ZNF665: variants seen among roughly 807,000 people sequenced by gnomAD.
ZNF665 encodes zinc finger protein 665.
Under a neutral mutation model 7.9 loss-of-function variants are expected in ZNF665, and 6 were observed. That is an observed-to-expected ratio of 0.76 (90% CI 0.42 to 1.50). ZNF665 has a LOEUF of 1.50. ZNF665 is among the 40% of genes most tolerant of loss of function. ZNF665 has a pLI of 0.01. For missense variants in ZNF665, 819 were observed against 806.7 expected, an observed-to-expected ratio of 1.02 and a Z score of -0.18; for synonymous variants, 242 against 274.5, an observed-to-expected ratio of 0.88 and a Z score of 1.17.
chr19:53,167,191 G>C (rs1275216567), intron 3 of ZNF665, among the ~76,000 whole-genome samples: 3 of 151,860 alleles, frequency 2.0e-5, no homozygotes, highest in South Asian at 2.1e-4. Flanking sequence ...AGTAGAGACA[G>C]GGTTTCTCCA....
Position 53,171,129 on chromosome 19 carries a change from T to C in ZNF665, c.142+4316A>G, listed in dbSNP as rs561653067. On this transcript the variant is annotated intron_variant, in intron 3 of 3. Transcript: ENST00000396424. ...CCTCCCAAGTAGCTGGGATTACAGG[T>C]GCCCACCATTAGGCCCAGCTAATTT... Among the ~76,000 whole-genome samples the C allele has an allele frequency of 2.2e-4, 34 of 152,008 alleles. 1 individual carries two copies. The East Asian group carries it at 4.8e-3, about 22-fold the overall frequency.
In ZNF665 at chr19:53,164,602, C is replaced by T; in HGVS notation, c.1888G>A (p.Glu630Lys). ...HTGEKPYRCN[E>K]CGKAFSVRST... ...CGAACACTGAAGGCTTTCCCACACT[C>T]ATTACACCTATAAGGTTTTTCTCCA... Residue 630 changes from glutamate (E) to lysine (K), a missense_variant, in exon 4 of 4, where the codon GAG becomes AAG. Coordinates refer to ENST00000396424, the MANE Select transcript of ZNF665 (RefSeq NM_024733.5). The T allele has an allele frequency of 6.2e-7, 1 of 1,614,164 alleles. No homozygotes were observed. The highest frequency in any genetic ancestry group is 8.5e-7 in the Non-Finnish European group (1 of 1,180,012).
In ZNF665 at chr19:53,165,513, GCTTTGCCACA is replaced by G; in HGVS notation, c.967_976del (p.Cys323ProfsTer8). Reference sequence around the variant, plus strand: ...AGTCAGGCTTGAGCGAACACTAAAGGCTTTGCCACACTCATTACACTTGTAAGGCTTCTCC... The same window carrying G: ...AGTCAGGCTTGAGCGAACACTAAAGGCTCATTACACTTGTAAGGCTTCTCC... On this transcript the variant is annotated frameshift_variant, in exon 4 of 4. Transcript: ENST00000396424. LOFTEE classifies it low-confidence loss of function (END_TRUNC). 6.2e-7 allele frequency: 1 copy of G among 1,613,860 alleles called. No homozygotes were observed.
chr19:53,166,268 C>G lies in ZNF665; in HGVS notation c.222G>C (p.Lys74Asn). 2.5e-6 allele frequency: 4 copies of G among 1,613,868 alleles called. No homozygotes were observed. Among genetic ancestry groups the G allele is most frequent in the South Asian group, 1.1e-5 (1 of 91,026 alleles). The change falls in exon 4 of 4, where the codon AAG (lysine) becomes AAC (asparagine). Residue 74 changes from lysine to asparagine, a missense_variant. Lys to Asn is a moderately conservative substitution (Grantham distance 94). Coordinates refer to ENST00000396424, the MANE Select transcript of ZNF665 (RefSeq NM_024733.5). ...TGTCACAGCTTTCAAGTCTCTCCAA[C>G]TTCACCGTGTAGAACGCTTCTCCCA... ...NNMGEAFYTV[K>N]LERLESCDTV...
chr19:53,166,989 A>G (rs1227263298), intron 3 of ZNF665, among the ~76,000 whole-genome samples: 1 of 120,958 alleles, frequency 8.3e-6, no homozygotes. Flanking sequence ...TATAACAGTT[A>G]TATTTCTTTC....
In ZNF665 at chr19:53,189,051, C is replaced by CTGTGTGTGTGTCTGTGTGTG. The variant is rs757222280; in HGVS notation, c.-46+4260_-46+4261insCACACACAGACACACACACA. ...AGATGAGAAAGAAAGGCTTTATTTT[C>CTGTGTGTGTGTCTGTGTGTG]TGTGTGTGTGTGTGTGTGTGTGTGT... On this transcript the variant is annotated intron_variant, in intron 1 of 3. Coordinates refer to ENST00000396424, the MANE Select transcript of ZNF665 (RefSeq NM_024733.5). Among the ~76,000 whole-genome samples the CTGTGTGTGTGTCTGTGTGTG allele has an allele frequency of 2.7e-3, 376 of 137,742 alleles. 2 individuals are homozygous for CTGTGTGTGTGTCTGTGTGTG. Among genetic ancestry groups the CTGTGTGTGTGTCTGTGTGTG allele is most frequent in the African/African-American group, 8.2e-3 (313 of 38,268 alleles). The allele number at this position is 137,742 out of a possible 152,430, so 90.4% of individuals were successfully genotyped here.
At chr19:53,176,929 G>A (rs1454943778) in intron 2 of ZNF665, among the ~76,000 whole-genome samples, 2 of 152,122 alleles carry the variant, frequency 1.3e-5, no homozygotes, top group East Asian at 1.9e-4. Context: ...AGACGAGCCT[G>A]GCCAACATGG....
intron 1 of ZNF665, among the ~76,000 whole-genome samples, chr19:53,185,086 C>G (rs2090767586): frequency 6.6e-6 from 1 of 152,050 alleles, no homozygotes; most frequent in Non-Finnish European, 1.5e-5. Flanking sequence ...CACAGCATCA[C>G]AGGGAGACGG....
chr19:53,169,227 A>C (rs2090639474), intron 3 of ZNF665, among the ~76,000 whole-genome samples: 1 of 152,154 alleles, frequency 6.6e-6, no homozygotes, highest in Non-Finnish European at 1.5e-5. Context: ...AGAAAACAAA[A>C]AGCCCAATTT....
At position 53,172,529 on chromosome 19, in the gene ZNF665, T is replaced by C. The variant is rs73583185; in HGVS notation, c.142+2916A>G. On this transcript the variant is annotated intron_variant, in intron 3 of 3. Transcript: ENST00000396424. ...CAAGTAGTGATGTTGGCTGTTTGTC[T>C]GCCTTCCTTCAAGAACTGTATATTG... Among the ~76,000 whole-genome samples the C allele has an allele frequency of 7.2e-3, 1,098 of 152,178 alleles. 14 individuals carry two copies. The highest frequency in any genetic ancestry group is 0.025 in the African/African-American group (1,042 of 41,558).
intron 1 of ZNF665, among the ~76,000 whole-genome samples, chr19:53,189,342 C>CGT (rs1568668766): frequency 2.0e-5 from 3 of 151,426 alleles, no homozygotes; most frequent in Non-Finnish European, 4.4e-5. Flanking sequence ...CACCAATGCA[C>CGT]GGAGACCGGT....
At position 53,165,080 on chromosome 19, in the gene ZNF665, A is replaced by G. The variant is rs1339900778; in HGVS notation, c.1410T>C (p.Asn470=). ...TTCCCCGATGACTTGCAAGGTGTGA[A>G]TTTTGTGTGAAGACCTTACCGCAGT... The part of the protein sequence containing the change: ...CNDCGKVFTQ[N]SHLASHRGIH... The change falls in exon 4 of 4, where the codon AAT becomes AAC. Residue 470 remains asparagine (N), a synonymous_variant. Coordinates refer to ENST00000396424, the MANE Select transcript of ZNF665 (RefSeq NM_024733.5). 36 of 1,613,946 alleles carry G rather than the reference A, an allele frequency of 2.2e-5. 1 individual carries two copies. The South Asian group carries it at 3.6e-4, about 16-fold the overall frequency.
chr19:53,172,175 A>G (rs1453856357), intron 3 of ZNF665, among the ~76,000 whole-genome samples: 2 of 152,174 alleles, frequency 1.3e-5, no homozygotes, highest in Non-Finnish European at 2.9e-5. Context: ...GCTTTTTCAA[A>G]TTGTTGGAAA....
chr19:53,166,257 A>G lies in ZNF665; in HGVS notation c.233T>C (p.Leu78Pro). 6.2e-7 allele frequency: 1 copy of G among 1,613,934 alleles called. No homozygotes were observed. The highest frequency in any genetic ancestry group is 1.3e-5 in the African/African-American group (1 of 75,052). The change falls in exon 4 of 4, where the codon CTT (leucine) becomes CCT (proline). Residue 78 changes from leucine to proline, a missense_variant. By Grantham distance (98) the Leu-to-Pro change is moderately conservative. Transcript: ENST00000396424. ...EAFYTVKLERLESCDTVGLSF... is the reference protein window; with the variant it reads ...EAFYTVKLERPESCDTVGLSF... Reference sequence around the variant, plus strand: ...CAAGCCTACAGTGTCACAGCTTTCAAGTCTCTCCAACTTCACCGTGTAGAA... The same window carrying G: ...CAAGCCTACAGTGTCACAGCTTTCAGGTCTCTCCAACTTCACCGTGTAGAA...
At chr19:53,168,055 C>CAAAAAAAAAAAAAAAAAAA (rs57521729) in intron 3 of ZNF665, among the ~76,000 whole-genome samples, 1 of 66,402 alleles carries the variant, frequency 1.5e-5, no homozygotes. Context: ...GACTCCCTCT[C>CAAAAAAAAAAAAAAAAAAA]AAAAAAAAAA....
Position 53,165,294 on chromosome 19 carries a change from T to C in ZNF665, c.1196A>G (p.Glu399Gly). 1 of 1,613,398 alleles carries C rather than the reference T, an allele frequency of 6.2e-7. No homozygotes were observed. Among genetic ancestry groups the C allele is most frequent in the Non-Finnish European group, 8.5e-7 (1 of 1,179,580 alleles). Residue 399 changes from glutamate to glycine, a missense_variant, in exon 4 of 4, where the codon GAA becomes GGA. Coordinates refer to ENST00000396424, the MANE Select transcript of ZNF665 (RefSeq NM_024733.5). ...GCATTCATTACATTTGAAAGGCTTTTCTCCGGTATGGATGATCTGATGCTT... is the reference window on the plus strand; with the variant it reads ...GCATTCATTACATTTGAAAGGCTTTCCTCCGGTATGGATGATCTGATGCTT... ...LTKHQIIHTG[E>G]KPFKCNECVK...
At chr19:53,180,261 C>T (rs779655441) in intron 2 of ZNF665, among the ~76,000 whole-genome samples, 1 of 151,832 alleles carries the variant, frequency 6.6e-6, no homozygotes, top group Non-Finnish European at 1.5e-5. Flanking sequence ...GGTAAAACCC[C>T]GTCTCTACTA....
At chr19:53,170,436 A>G (rs1198257686) in intron 3 of ZNF665, among the ~76,000 whole-genome samples, 4 of 152,208 alleles carry the variant, frequency 2.6e-5, no homozygotes, top group African/African-American at 9.7e-5. Context: ...TTGAAACGAC[A>G]AACATCTTCC....
At chr19:53,184,665 G>A (rs1032050314) in intron 1 of ZNF665, among the ~76,000 whole-genome samples, 22 of 152,284 alleles carry the variant, frequency 1.4e-4, no homozygotes, top group East Asian at 1.2e-3. Flanking sequence ...TTTTCTCCTC[G>A]TGTGTGGAGA....
Sources: allele counts gnomAD v4.1 joint callset (sites outside exome capture counted in the v4.1 genomes callset), GRCh38; gene constraint gnomAD v4.1.1; transcripts MANE v1.5; gene names NCBI Gene and HGNC (gene_info 2026-07-23, HGNC 2026-07-21).